Variants in LRTM3 observed in about 807,000 individuals in gnomAD.
The protein encoded by LRTM3 is leucine-rich repeat transmembrane protein 3.
the LRTM3 span, among the ~76,000 whole-genome samples, chr13:102,757,268 A>G: frequency 1.3e-5 from 2 of 152,222 alleles, no homozygotes; most frequent in Non-Finnish European, 2.9e-5. Context: ...CTAGTACCCA[A>G]TACAACAATA....
At chr13:102,737,218 T>C in the LRTM3 span, 1 of 1,551,148 alleles carries the variant, frequency 6.4e-7, no homozygotes, top group Non-Finnish European at 8.7e-7. Context: ...ATTCTTGTAC[T>C]GTTTTTACAT....
the LRTM3 span, chr13:102,735,811 C>T: frequency 6.5e-7 from 1 of 1,542,390 alleles, no homozygotes; most frequent in East Asian, 2.5e-5. Context: ...ATGTGCCTTC[C>T]TTTTCATTCC....
chr13:102,745,409 G>A, the LRTM3 span: 1 of 1,550,690 alleles, frequency 6.4e-7, no homozygotes. Context: ...AATGTCAGGT[G>A]TCATAGTCAG....
chr13:102,732,193 T>C, the LRTM3 span: 1 of 1,551,368 alleles, frequency 6.4e-7, no homozygotes. Context: ...GAAGACAGAT[T>C]CTCTTTTCTC....
chr13:102,734,590 C>T, the LRTM3 span: 276 of 1,550,714 alleles, frequency 1.8e-4, no homozygotes, highest in African/African-American at 3.4e-3. Flanking sequence ...TTTGGTTCCT[C>T]TCTTCTTTTT....
chr13:102,747,821 TG>T, the LRTM3 span: 5 of 1,551,166 alleles, frequency 3.2e-6, no homozygotes, highest in African/African-American at 6.8e-5. Context: ...AGTTTGTGGT[TG>T]GACTTCTTGC....
the LRTM3 span, chr13:102,748,372 G>C: frequency 6.4e-7 from 1 of 1,550,760 alleles, no homozygotes; most frequent in Non-Finnish European, 8.7e-7. Flanking sequence ...TATGCATTTT[G>C]CTTCCTGGGG....
the LRTM3 span, among the ~76,000 whole-genome samples, chr13:102,754,205 CAAAAAAA>C: frequency 1.3e-5 from 1 of 77,326 alleles, no homozygotes; most frequent in Non-Finnish European, 2.4e-5. Flanking sequence ...ACTCCATCTC[CAAAAAAA>C]AAAAAAAAAA....
chr13:102,749,586 C>T, the LRTM3 span: 7 of 1,551,268 alleles, frequency 4.5e-6, no homozygotes, highest in Admixed American at 1.2e-4. Context: ...GGAACTTCAA[C>T]AAAATGTTGG....
At chr13:102,746,777 C>T in the LRTM3 span, 5 of 1,551,226 alleles carry the variant, frequency 3.2e-6, no homozygotes, top group Non-Finnish European at 3.5e-6. Context: ...TGTATCACTT[C>T]CATTACTTGG....
the LRTM3 span, chr13:102,738,366 C>A: frequency 6.4e-7 from 1 of 1,550,856 alleles, no homozygotes; most frequent in African/African-American, 1.4e-5. Flanking sequence ...CTTGTTATTT[C>A]AGTGACATAC....
the LRTM3 span, chr13:102,745,566 T>C: frequency 2.6e-6 from 4 of 1,551,028 alleles, no homozygotes; most frequent in East Asian, 9.8e-5. Flanking sequence ...TTCTTTGCCT[T>C]TATAATTCCA....
the LRTM3 span, chr13:102,746,872 G>A: frequency 6.4e-7 from 1 of 1,551,280 alleles, no homozygotes; most frequent in Non-Finnish European, 8.7e-7. Context: ...AATCTGCAGT[G>A]CATTTGCAGT....
chr13:102,747,448 T>A, the LRTM3 span: 1 of 1,548,718 alleles, frequency 6.5e-7, no homozygotes, highest in Non-Finnish European at 8.7e-7. Context: ...TGACACTGAG[T>A]ACACTTTTTG....
the LRTM3 span, chr13:102,758,492 G>A: frequency 1.3e-6 from 2 of 1,535,108 alleles, no homozygotes; most frequent in African/African-American, 2.7e-5. Context: ...AATGAGAAAA[G>A]CTCAGGATGA....
chr13:102,742,198 C>A, the LRTM3 span: 53 of 1,550,442 alleles, frequency 3.4e-5, no homozygotes, highest in Middle Eastern at 1.7e-4. Context: ...ACTTCTGCTG[C>A]TGGATGTTAC....
the LRTM3 span, among the ~76,000 whole-genome samples, chr13:102,755,300 C>A: frequency 6.6e-6 from 1 of 150,876 alleles, no homozygotes. Context: ...AGATTTTAAC[C>A]ATTCTGATGC....
At chr13:102,734,954 C>T in the LRTM3 span, 10 of 1,551,060 alleles carry the variant, frequency 6.4e-6, no homozygotes, top group Non-Finnish European at 8.7e-6. Context: ...TGGCCTTATA[C>T]ATGTGCCTCC....
chr13:102,753,306 C>T, the LRTM3 span, among the ~76,000 whole-genome samples: 1 of 152,056 alleles, frequency 6.6e-6, no homozygotes, highest in South Asian at 2.1e-4. Flanking sequence ...GAACATCACA[C>T]ACTGGGTCCT....
Sources: allele counts gnomAD v4.1 joint callset (sites outside exome capture counted in the v4.1 genomes callset), GRCh38; gene constraint gnomAD v4.1.1; transcripts MANE v1.5; gene names NCBI Gene and HGNC (gene_info 2026-07-23, HGNC 2026-07-21).